Variants in ASAP1 observed in about 807,000 individuals in gnomAD.
ASAP1 encodes ArfGAP with SH3 domain, ankyrin repeat and PH domain 1.
Under a neutral mutation model 145.2 loss-of-function variants are expected in ASAP1, and 43 were observed. The ratio of observed to expected loss-of-function variants is 0.30; its 90% CI spans 0.23 to 0.38. The LOEUF is 0.38. ASAP1 is among the 10% of genes least tolerant of loss of function. The probability of loss-of-function intolerance (pLI) is 1.00; values close to 1 mark genes in which losing one functional copy is unlikely to be tolerated. For missense variants in ASAP1, 1,018 were observed against 1,355.3 expected (o/e 0.75, Z 3.91); for synonymous variants, 546 against 515.5 (o/e 1.06, Z -0.80).
At chr8:130,326,108 A>T (rs534076087) in intron 3 of ASAP1, among the ~76,000 whole-genome samples, 17 of 152,296 alleles carry the variant, frequency 1.1e-4, no homozygotes. Context: ...TCTAAGTAGT[A>T]GAGGGTTGCT....
At chr8:130,266,429 T>C (rs1245166262) in intron 3 of ASAP1, among the ~76,000 whole-genome samples, 1 of 152,056 alleles carries the variant, frequency 6.6e-6, no homozygotes, top group Non-Finnish European at 1.5e-5. Context: ...GTACTTGCCA[T>C]TTTTCAGAAA....
chr8:130,148,607 A>G (rs1341196414), intron 13 of ASAP1, among the ~76,000 whole-genome samples: 1 of 152,208 alleles, frequency 6.6e-6, no homozygotes, highest in African/African-American at 2.4e-5. Flanking sequence ...TGGTTAATTC[A>G]CAGAACAGGG....
At chr8:130,150,829 G>A (rs973362631) in intron 13 of ASAP1, among the ~76,000 whole-genome samples, 1 of 152,096 alleles carries the variant, frequency 6.6e-6, no homozygotes, top group Admixed American at 6.6e-5. Context: ...GCAGTAAGCC[G>A]AGATCGTGCT....
intron 2 of ASAP1, among the ~76,000 whole-genome samples, chr8:130,380,293 C>T (rs1466869313): frequency 6.6e-6 from 1 of 152,226 alleles, no homozygotes; most frequent in Non-Finnish European, 1.5e-5. Flanking sequence ...CAGAGCTGTG[C>T]ACCTGAGAAG....
At chr8:130,397,152 T>C (rs1828568846) in intron 2 of ASAP1, among the ~76,000 whole-genome samples, 1 of 152,102 alleles carries the variant, frequency 6.6e-6, no homozygotes, top group Non-Finnish European at 1.5e-5. Flanking sequence ...TTGTTGTTGT[T>C]GTTGTTAAGA....
At chr8:130,317,219 G>C (rs16904247) in intron 3 of ASAP1, among the ~76,000 whole-genome samples, 14,722 of 151,974 alleles carry the variant, frequency 0.097, 916 homozygotes, top group South Asian at 0.29. Context: ...ACATAAAACT[G>C]GTACCTAAGC....
At chr8:130,252,451 C>G (rs1417960061) in intron 3 of ASAP1, among the ~76,000 whole-genome samples, 4 of 152,124 alleles carry the variant, frequency 2.6e-5, no homozygotes, top group African/African-American at 9.7e-5. Context: ...TCTTATAATA[C>G]ATGCAATGCC....
chr8:130,426,212 T>C (rs1042669267), intron 1 of ASAP1, among the ~76,000 whole-genome samples: 1 of 152,084 alleles, frequency 6.6e-6, no homozygotes, highest in Admixed American at 6.6e-5. Context: ...CTCTCTCTCT[T>C]TCTCCTGCTC....
intron 3 of ASAP1, among the ~76,000 whole-genome samples, chr8:130,285,448 A>C (rs1200337168): frequency 6.6e-6 from 1 of 152,220 alleles, no homozygotes; most frequent in Non-Finnish European, 1.5e-5. Flanking sequence ...CACTAGAAAA[A>C]ATTTTATGGT....
intron 3 of ASAP1, among the ~76,000 whole-genome samples, chr8:130,243,892 G>C (rs899523783): frequency 1.3e-5 from 2 of 152,096 alleles, no homozygotes; most frequent in African/African-American, 4.8e-5. Context: ...TTTATGATCT[G>C]TCCCAATAGA....
chr8:130,380,927 C>G (rs1827738298), intron 2 of ASAP1, among the ~76,000 whole-genome samples: 1 of 152,070 alleles, frequency 6.6e-6, no homozygotes, highest in African/African-American at 2.4e-5. Flanking sequence ...CTCTCTTGTC[C>G]AGGCTGGAGT....
chr8:130,263,582 T>A (rs1386466233), intron 3 of ASAP1, among the ~76,000 whole-genome samples: 1 of 152,190 alleles, frequency 6.6e-6, no homozygotes, highest in Non-Finnish European at 1.5e-5. Flanking sequence ...AAATGAGCCT[T>A]TGCTCACTTA....
intron 3 of ASAP1, among the ~76,000 whole-genome samples, chr8:130,321,185 T>C (rs1823982701): frequency 6.6e-6 from 1 of 152,026 alleles, no homozygotes; most frequent in South Asian, 2.1e-4. Context: ...CAAAAAAACA[T>C]GGATTATAGT....
intron 3 of ASAP1, among the ~76,000 whole-genome samples, chr8:130,319,315 T>TA (rs1046507281): frequency 6.6e-6 from 1 of 151,926 alleles, no homozygotes; most frequent in Admixed American, 6.6e-5. Flanking sequence ...TAAAATAAAA[T>TA]AAAAAAAGGA....
intron 24 of ASAP1, among the ~76,000 whole-genome samples, chr8:130,096,748 TAAAC>T (rs2097518681): frequency 6.6e-6 from 1 of 152,088 alleles, no homozygotes; most frequent in Non-Finnish European, 1.5e-5. Context: ...TCCCTGCCCT[TAAAC>T]AGAGATGGAT....
chr8:130,267,239 G>A (rs1001447966), intron 3 of ASAP1, among the ~76,000 whole-genome samples: 2 of 151,970 alleles, frequency 1.3e-5, no homozygotes, highest in South Asian at 4.1e-4. Context: ...CAAGCCTACA[G>A]TTAACCCTAG....
At chr8:130,228,627 G>A (rs551352589) in intron 4 of ASAP1, among the ~76,000 whole-genome samples, 8 of 151,156 alleles carry the variant, frequency 5.3e-5, no homozygotes, top group Non-Finnish European at 1.0e-4. Flanking sequence ...CCTGAGTCCA[G>A]GATGGCGAGG....
At chr8:130,071,011 G>GGAGAGA (rs1230151527) in intron 27 of ASAP1, among the ~76,000 whole-genome samples, 286 of 11,434 alleles carry the variant, frequency 0.025, 51 homozygotes, top group Middle Eastern at 0.083. Context: ...GGGGAGGGGG[G>GGAGAGA]GAGAGAGAGA....
intron 1 of ASAP1, among the ~76,000 whole-genome samples, chr8:130,418,424 T>C (rs980401690): frequency 3.0e-4 from 46 of 152,102 alleles, no homozygotes; most frequent in African/African-American, 1.1e-3. Context: ...GGCATGAGCC[T>C]GTAATCCCAG....
Sources: allele counts gnomAD v4.1 joint callset (sites outside exome capture counted in the v4.1 genomes callset), GRCh38; gene constraint gnomAD v4.1.1; transcripts MANE v1.5; gene names NCBI Gene and HGNC (gene_info 2026-07-23, HGNC 2026-07-21).